The following SGPL1 variants were observed in gnomAD, a reference collection of about 807,000 sequenced individuals.
The protein encoded by SGPL1 is sphingosine-1-phosphate lyase 1.
In SGPL1, 37 loss-of-function variants were observed where a neutral mutation model predicts 68.9. The ratio of observed to expected loss-of-function variants is 0.54; its 90% CI spans 0.41 to 0.71. The LOEUF (loss-of-function observed/expected upper bound fraction) is 0.71. Ranked by LOEUF, SGPL1 falls within the 30% of genes least tolerant of loss-of-function variation. The pLI is 0.00. For synonymous variants in SGPL1, 236 were observed against 248.5 expected (o/e 0.95, Z 0.47); for missense variants, 551 against 704.6 (o/e 0.78, Z 2.47).
At chr10:70,838,474 G>A (rs1217357547) in intron 2 of SGPL1, among the ~76,000 whole-genome samples, 1 of 152,144 alleles carries the variant, frequency 6.6e-6, no homozygotes, top group East Asian at 1.9e-4. Context: ...CTGTCAGTTA[G>A]GAAGTAACTC....
chr10:70,831,219 A>G (rs76053349), intron 2 of SGPL1, among the ~76,000 whole-genome samples: 1,675 of 152,018 alleles, frequency 0.011, 17 homozygotes, highest in Middle Eastern at 0.041. Flanking sequence ...TCTCTCCTCT[A>G]CTCTCACACC....
At chr10:70,828,674 T>C (rs1293389844) in intron 2 of SGPL1, among the ~76,000 whole-genome samples, 2 of 152,188 alleles carry the variant, frequency 1.3e-5, no homozygotes, top group African/African-American at 4.8e-5. Flanking sequence ...TTTAAAATAT[T>C]TGTAGTAGTT....
intron 3 of SGPL1, 141 bp from the exon 4 acceptor site, chr10:70,851,002 G>T: frequency 3.1e-6 from 2 of 653,518 alleles, no homozygotes; most frequent in Non-Finnish European, 2.7e-6. Context: ...AAATTTAAAA[G>T]TTTTTTTAAA....
At position 70,857,638 on chromosome 10, in the gene SGPL1, C is replaced by T. The variant is rs778077496; in HGVS notation, c.434C>T (p.Ala145Val). Residue 145 changes from alanine to valine, a missense_variant, in exon 6 of 15, where the codon GCC becomes GTC. Physicochemically the swap from Ala to Val is moderately conservative, Grantham distance 64. Transcript: ENST00000373202. Reference protein sequence around the residue: ...SMDAFWQEGRASGTVYSGEEK... With the variant: ...SMDAFWQEGRVSGTVYSGEEK... ...GACGCCTTCTGGCAAGAGGGGAGAG[C>T]CTCTGGAACAGTGTACAGTGGGGAG... 8 of 1,613,422 alleles carry T rather than the reference C, an allele frequency of 5.0e-6. No homozygotes were observed. Among genetic ancestry groups the T allele is most frequent in the Non-Finnish European group, 6.8e-6 (8 of 1,179,534 alleles).
At chr10:70,844,815 C>G (rs1158554435) in intron 3 of SGPL1, among the ~76,000 whole-genome samples, 177 bp downstream of exon 3, 1 of 152,210 alleles carries the variant, frequency 6.6e-6, no homozygotes, top group African/African-American at 2.4e-5. Context: ...TCTTGGCTCA[C>G]TGCAACCTCT....
Position 70,878,060 on chromosome 10 carries a change from A to T in SGPL1, c.*725A>T, listed in dbSNP as rs1183094415. On this transcript the variant is annotated 3_prime_UTR_variant, in exon 15 of 15. Transcript: ENST00000373202. ...TCTTGAACTCCTGACCTCAGGTGAT[A>T]CCCGCCCCCCCGCCTCAGCCTCCCA... is the stretch of plus-strand genomic sequence containing the variant. 3.3e-5 allele frequency: 5 copies of T among 151,658 alleles called. No homozygotes were observed. The highest frequency in any genetic ancestry group is 7.3e-5 in the Non-Finnish European group (5 of 68,050). 9.4% of individuals were successfully genotyped at this position (151,658 alleles called of 1,614,324 possible).
intron 7 of SGPL1, chr10:70,860,574 A>T: frequency 2.5e-6 from 1 of 397,858 alleles, no homozygotes; most frequent in Non-Finnish European, 5.0e-6. Flanking sequence ...TGAGGTGAAC[A>T]GGGTGACTTT....
chr10:70,822,410 T>G (rs1453161703), intron 2 of SGPL1, among the ~76,000 whole-genome samples: 6 of 152,236 alleles, frequency 3.9e-5, no homozygotes, highest in Non-Finnish European at 7.3e-5. Flanking sequence ...GTGTCAGGAA[T>G]TTTTAGTAAT....
intron 2 of SGPL1, among the ~76,000 whole-genome samples, chr10:70,823,570 A>G (rs1845380284): frequency 6.7e-6 from 1 of 148,946 alleles, no homozygotes; most frequent in African/African-American, 2.4e-5. Context: ...ATTGAAAAAA[A>G]AAAAAAAAAA....
intron 7 of SGPL1, among the ~76,000 whole-genome samples, chr10:70,867,311 C>T (rs1054320133): frequency 1.3e-5 from 2 of 152,090 alleles, no homozygotes; most frequent in African/African-American, 4.8e-5. Flanking sequence ...ACCTGTAATC[C>T]CAGCTCTTTG....
chr10:70,823,614 A>G (rs1845381508), intron 2 of SGPL1, among the ~76,000 whole-genome samples: 1 of 146,866 alleles, frequency 6.8e-6, no homozygotes, highest in East Asian at 2.0e-4. Context: ...AACACAGCAT[A>G]TGTGAATTAA....
intron 7 of SGPL1, among the ~76,000 whole-genome samples, chr10:70,863,683 T>C (rs567855365): frequency 6.6e-6 from 1 of 152,236 alleles, no homozygotes; most frequent in South Asian, 2.1e-4. Flanking sequence ...ACCACAGAGG[T>C]AGTGTGAATT....
intron 6 of SGPL1, among the ~76,000 whole-genome samples, chr10:70,858,361 C>T (rs1424540131): frequency 6.6e-6 from 1 of 152,096 alleles, no homozygotes; most frequent in Non-Finnish European, 1.5e-5. Context: ...TGGTCTTCAA[C>T]TCCCAGCCTC....
chr10:70,870,263 C>T (rs1383899670), intron 9 of SGPL1, among the ~76,000 whole-genome samples: 4 of 151,976 alleles, frequency 2.6e-5, no homozygotes, highest in South Asian at 2.1e-4. Context: ...TTTGGGAAGC[C>T]GAGGAGGGAG....
At chr10:70,865,907 T>C (rs571561287) in intron 7 of SGPL1, among the ~76,000 whole-genome samples, 1 of 152,348 alleles carries the variant, frequency 6.6e-6, no homozygotes, top group South Asian at 2.1e-4. Flanking sequence ...CTGAAATACA[T>C]ATCATATGTT....
At chr10:70,828,053 T>C (rs146343355) in intron 2 of SGPL1, among the ~76,000 whole-genome samples, 3 of 152,354 alleles carry the variant, frequency 2.0e-5, no homozygotes, top group East Asian at 1.9e-4. Context: ...CATTTATGTT[T>C]CTAGTTTTTT....
At position 70,873,464 on chromosome 10, in the gene SGPL1, C is replaced by A. The variant is rs530568570; in HGVS notation, c.1173C>A (p.Thr391=). ...AGGGTGGCATCTATGCTTCCCCAACCATCGCAGGCTCACGGCCTGGTGGCA... is the reference window on the plus strand; with the variant it reads ...AGGGTGGCATCTATGCTTCCCCAACAATCGCAGGCTCACGGCCTGGTGGCA... ...DWQGGIYASP[T]IAGSRPGGIS... is the part of the protein sequence containing the mutation. Residue 391 remains threonine (T), a synonymous_variant, in exon 12 of 15, where the codon ACC becomes ACA. Transcript: ENST00000373202. 2 of 1,614,266 alleles carry A rather than the reference C, an allele frequency of 1.2e-6. No individual in the cohort carries two copies. The highest frequency in any genetic ancestry group is 2.2e-5 in the South Asian group (2 of 91,090).
intron 7 of SGPL1, among the ~76,000 whole-genome samples, chr10:70,863,289 CT>C (rs35676112): frequency 0.051 from 6,046 of 118,720 alleles, 182 homozygotes; most frequent in African/African-American, 0.095. Flanking sequence ...GCTTGGCCGT[CT>C]TTTTTTTTTT....
chr10:70,834,100 T>C (rs1845588071), intron 2 of SGPL1, among the ~76,000 whole-genome samples: 1 of 152,128 alleles, frequency 6.6e-6, no homozygotes, highest in Non-Finnish European at 1.5e-5. Flanking sequence ...TGGGTGTCAG[T>C]AATATGTTAA....
Sources: allele counts gnomAD v4.1 joint callset (sites outside exome capture counted in the v4.1 genomes callset), GRCh38; gene constraint gnomAD v4.1.1; transcripts MANE v1.5; gene names NCBI Gene and HGNC (gene_info 2026-07-23, HGNC 2026-07-21).